Variants in PGAP4 observed in about 807,000 individuals in gnomAD.
The protein encoded by PGAP4 is GPI-N-acetylgalactosamine transferase PGAP4.
A neutral mutation model predicts 28.2 loss-of-function variants in PGAP4; 12 were observed. The ratio of observed to expected loss-of-function variants is 0.42; its 90% CI spans 0.27 to 0.69. The LOEUF (loss-of-function observed/expected upper bound fraction) is 0.69, where lower values mean the gene tolerates loss of function less well. Among genes scored for constraint, PGAP4 ranks in the 30% least tolerant of loss-of-function variants. PGAP4 has a pLI of 0.22. For missense variants in PGAP4, 425 were observed against 513.5 expected, an observed-to-expected ratio of 0.83 and a Z score of 1.67; for synonymous variants, 205 against 211.8, an observed-to-expected ratio of 0.97 and a Z score of 0.28.
In PGAP4 at chr9:101,477,228, A is replaced by AAACAAACC. The variant is rs1468651082; in HGVS notation, c.-77-60_-77-59insGGTTTGTT. ...AACTTAAAAAAACAAACAAACAAAC[A>AAACAAACC]AACAAAAAAACAAAAGGACAAGAAC... is the stretch of plus-strand genomic sequence containing the variant. On this transcript the variant is annotated intron_variant, in intron 1 of 1. Transcript: ENST00000374848. The AAACAAACC allele has an allele frequency of 6.1e-6, 8 of 1,306,714 alleles. No homozygotes were observed. The African/African-American group carries it at 9.0e-5, about 15-fold the overall frequency. The allele number at this position is 1,306,714 out of a possible 1,614,324, so 80.9% of individuals were successfully genotyped here.
chr9:101,477,921 G>T (rs188321525), intron 1 of PGAP4, among the ~76,000 whole-genome samples: 14 of 116,196 alleles, frequency 1.2e-4, no homozygotes, highest in African/African-American at 3.1e-4. Context: ...ATGAGGGAGC[G>T]GGGGGGGAAA....
intron 2 of PGAP4, among the ~76,000 whole-genome samples, chr9:101,520,081 A>AT (rs1194064917): frequency 6.6e-6 from 1 of 152,078 alleles, no homozygotes; most frequent in South Asian, 2.1e-4. Flanking sequence ...CTATGTGCCT[A>AT]TTTTTGTACC....
upstream of PGAP4, among the ~76,000 whole-genome samples, chr9:101,491,812 GATATATATATATATATATAT>G (rs58209077): frequency 0.057 from 6,094 of 106,280 alleles, 223 homozygotes; most frequent in Admixed American, 0.12. Context: ...AATCTTAAAG[GATATATATATATATATATAT>G]ATATATATAT....
intron 2 of PGAP4, among the ~76,000 whole-genome samples, chr9:101,505,834 G>A (rs540100115): frequency 2.6e-5 from 4 of 152,140 alleles, no homozygotes; most frequent in South Asian, 4.2e-4. Context: ...TATCTGGTTC[G>A]TAAAAACACA....
intron 2 of PGAP4, among the ~76,000 whole-genome samples, chr9:101,524,728 A>T (rs1378172449): frequency 6.6e-6 from 1 of 152,152 alleles, no homozygotes; most frequent in Admixed American, 6.5e-5. Context: ...TCTTCCACAA[A>T]CAGACTTTCA....
chr9:101,525,252 T>C (rs1264210291), intron 2 of PGAP4, among the ~76,000 whole-genome samples: 2 of 152,236 alleles, frequency 1.3e-5, no homozygotes, highest in East Asian at 3.9e-4. Flanking sequence ...TTAGTTTACA[T>C]ATTAAACCCC....
Position 101,476,581 on chromosome 9 carries a change from G to A in PGAP4, c.512C>T (p.Thr171Ile). 1.2e-6 allele frequency: 2 copies of A among 1,614,170 alleles called. No individual in the cohort carries two copies. Among genetic ancestry groups the A allele is most frequent in the Non-Finnish European group, 1.7e-6 (2 of 1,180,038 alleles). ...YVPVANRYEG[T>I]EDDYGDDPST... The stretch of plus-strand genomic sequence containing the variant: ...AGGGTCATCACCATAATCATCCTCA[G>A]TGCCCTCATAGCGATTGGCCACAGG... The change falls in exon 2 of 2, where the codon ACT becomes ATT. Residue 171 changes from threonine to isoleucine, a missense_variant. Thr to Ile is a moderately conservative substitution (Grantham distance 89). Transcript: ENST00000374848. This position sits in a 1 kb window ranked among gnomAD's most constrained non-coding sequence, Gnocchi z 7.0.
intron 2 of PGAP4, among the ~76,000 whole-genome samples, chr9:101,522,204 T>A (rs1364099522): frequency 2.6e-5 from 4 of 152,118 alleles, no homozygotes; most frequent in Admixed American, 6.5e-5. Flanking sequence ...TTGGATGAAA[T>A]GTTCTGTATA....
upstream of PGAP4, among the ~76,000 whole-genome samples, chr9:101,489,891 T>C (rs1032192404): frequency 6.6e-6 from 1 of 152,206 alleles, no homozygotes; most frequent in Non-Finnish European, 1.5e-5. Flanking sequence ...GTAACTATGG[T>C]GTCATAATAG....
intron 2 of PGAP4, among the ~76,000 whole-genome samples, chr9:101,506,566 T>C (rs1564099845): frequency 6.6e-6 from 1 of 152,094 alleles, no homozygotes; most frequent in South Asian, 2.1e-4. Flanking sequence ...CTGACTCACC[T>C]GAGCCAGATC....
intron 2 of PGAP4, among the ~76,000 whole-genome samples, chr9:101,521,855 T>C (rs903607585): frequency 7.2e-5 from 11 of 152,212 alleles, no homozygotes; most frequent in African/African-American, 2.7e-4. Context: ...TTTAGGGCTA[T>C]GAAATTTCCC....
intron 2 of PGAP4, among the ~76,000 whole-genome samples, chr9:101,526,682 C>T (rs1227919380): frequency 6.6e-6 from 1 of 152,198 alleles, no homozygotes; most frequent in Non-Finnish European, 1.5e-5. Context: ...CTCCTGACGT[C>T]AGGTGATCCA....
intron 1 of PGAP4, among the ~76,000 whole-genome samples, chr9:101,479,667 T>C (rs1330135336): frequency 2.6e-5 from 4 of 152,224 alleles, no homozygotes; most frequent in Non-Finnish European, 5.9e-5. Context: ...GGACACATGG[T>C]CCCTACCTAT....
Position 101,486,072 on chromosome 9 carries a change from G to T in PGAP4, c.-78+877C>A, listed in dbSNP as rs10989530. Among the ~76,000 whole-genome samples, 1 of 152,312 alleles carries T rather than the reference G, an allele frequency of 6.6e-6. No individual in the cohort carries two copies. The highest frequency in any genetic ancestry group is 1.9e-4 in the East Asian group (1 of 5,160). ...AGCCTGGGCCGAGCAGAGGATGCGGGTCACAACGACCCTGCAGGAGCTCAC... is the reference window on the plus strand; with the variant it reads ...AGCCTGGGCCGAGCAGAGGATGCGGTTCACAACGACCCTGCAGGAGCTCAC... On this transcript the variant is annotated intron_variant, in intron 1 of 1. Coordinates refer to ENST00000374848, the MANE Select transcript of PGAP4 (RefSeq NM_032342.3). This position sits in a 1 kb window ranked among gnomAD's most constrained non-coding sequence, Gnocchi z 4.7.
intron 2 of PGAP4, among the ~76,000 whole-genome samples, chr9:101,522,188 C>T (rs375420647): frequency 2.6e-5 from 4 of 152,034 alleles, no homozygotes; most frequent in East Asian, 3.9e-4. Context: ...GCATATTCTC[C>T]GATTGTTGGA....
chr9:101,506,484 G>T (rs1032418060), intron 2 of PGAP4, among the ~76,000 whole-genome samples: 1 of 151,978 alleles, frequency 6.6e-6, no homozygotes, highest in Non-Finnish European at 1.5e-5. Context: ...AAGTTATTGG[G>T]CAGAGACCTT....
Position 101,475,649 on chromosome 9 carries a change from G to T in PGAP4, c.*232C>A. 3.5e-6 allele frequency: 2 copies of T among 570,242 alleles called. No individual in the cohort carries two copies. Among genetic ancestry groups the T allele is most frequent in the Admixed American group, 6.2e-5 (2 of 32,032 alleles). 35.3% of individuals were successfully genotyped at this position (570,242 alleles called of 1,614,324 possible). A position where few individuals can be genotyped will look rare whatever the true frequency, so the allele number is the denominator to read the frequency against. ...CACTGGGTGGGTCAGACTGCATGAG[G>T]CAGTGTGGCTGTGTGGAGGGAGAGG... On this transcript the variant is annotated 3_prime_UTR_variant, in exon 2 of 2. Coordinates refer to ENST00000374848, the MANE Select transcript of PGAP4 (RefSeq NM_032342.3).
chr9:101,495,144 T>TTA (rs1193684583), intron 2 of PGAP4, among the ~76,000 whole-genome samples: 2 of 96,366 alleles, frequency 2.1e-5, no homozygotes, highest in Non-Finnish European at 4.1e-5. Flanking sequence ...CTATAAGATT[T>TTA]TATATATATT....
At chr9:101,527,017 A>G (rs1827040828) in intron 2 of PGAP4, among the ~76,000 whole-genome samples, 1 of 152,212 alleles carries the variant, frequency 6.6e-6, no homozygotes, top group South Asian at 2.1e-4. Flanking sequence ...AGATACTACC[A>G]TCATCCTGCA....
Sources: gnomAD v4.1 joint callset for allele counts (sites outside exome capture counted in the v4.1 genomes callset) on GRCh38, gnomAD v4.1.1 for gene constraint, Gnocchi (gnomAD v3.1) non-coding constraint, MANE v1.5 for transcripts, NCBI Gene and HGNC (gene_info 2026-07-23, HGNC 2026-07-21) for gene names.